ACTN2: variants seen among roughly 807,000 people sequenced by gnomAD.
The protein encoded by ACTN2 is actinin alpha 2, also known as alpha-actinin-2.
Under a neutral mutation model 113.8 loss-of-function variants are expected in ACTN2, and 39 were observed. That is an observed-to-expected ratio of 0.34 (90% confidence interval 0.27 to 0.45). The LOEUF is 0.45. ACTN2 is among the 20% of genes least tolerant of loss of function. The pLI, the probability that ACTN2 is intolerant of heterozygous loss-of-function variation, is 1.00. For synonymous variants in ACTN2, 429 were observed against 444.1 expected, an observed-to-expected ratio of 0.97 and a Z score of 0.43; for missense variants, 992 against 1,177.9, an observed-to-expected ratio of 0.84 and a Z score of 2.31.
chr1:236,738,365 G>A (rs555068701), intron 9 of ACTN2, among the ~76,000 whole-genome samples: 2 of 152,316 alleles, frequency 1.3e-5, no homozygotes, highest in East Asian at 1.9e-4. Flanking sequence ...AGGACATTTG[G>A]AATAAATGTT....
chr1:236,734,407 C>T (rs764582859), intron 7 of ACTN2: 42 of 1,489,912 alleles, frequency 2.8e-5, no homozygotes, highest in Non-Finnish European at 2.8e-5. Context: ...AACATCCACG[C>T]GGTTAACCTT....
intron 12 of ACTN2, among the ~76,000 whole-genome samples, chr1:236,746,165 C>CAAAAA (rs55953102): frequency 7.5e-5 from 6 of 80,406 alleles, no homozygotes; most frequent in Non-Finnish European, 9.9e-5. Flanking sequence ...GACTCCATCT[C>CAAAAA]AAAAAAAAAA....
chr1:236,761,565 C>G (rs1474026913), intron 20 of ACTN2, among the ~76,000 whole-genome samples: 1 of 152,086 alleles, frequency 6.6e-6, no homozygotes, highest in Non-Finnish European at 1.5e-5. Flanking sequence ...GTACCTTCTC[C>G]TAAGGATCAA....
At chr1:236,757,419 A>T in intron 17 of ACTN2, 67 bp from the exon 18 acceptor site, 1 of 1,600,834 alleles carries the variant, frequency 6.2e-7, no homozygotes, top group Non-Finnish European at 8.6e-7. Flanking sequence ...ACTGTTATGA[A>T]AGTAAAGAGG....
intron 12 of ACTN2, 51 bp downstream of exon 12, chr1:236,744,827 G>T (rs760200859): frequency 6.2e-7 from 1 of 1,612,798 alleles, no homozygotes; most frequent in Admixed American, 1.7e-5. Flanking sequence ...ATTCCACAGA[G>T]AGGGGAGAGA....
chr1:236,738,977 T>C (rs1286365949), intron 9 of ACTN2, among the ~76,000 whole-genome samples: 1 of 152,208 alleles, frequency 6.6e-6, no homozygotes, highest in Non-Finnish European at 1.5e-5. Flanking sequence ...TTGTTTTTTG[T>C]TTTTTTAATT....
intron 6 of ACTN2, among the ~76,000 whole-genome samples, chr1:236,729,279 G>A (rs4659707): frequency 0.48 from 72,935 of 151,024 alleles, 20,100 homozygotes; most frequent in Non-Finnish European, 0.63. Flanking sequence ...AACCGAGATG[G>A]CACCACTGCC....
At chr1:236,738,516 G>A (rs965759365) in intron 9 of ACTN2, among the ~76,000 whole-genome samples, 1 of 152,356 alleles carries the variant, frequency 6.6e-6, no homozygotes, top group Non-Finnish European at 1.5e-5. Context: ...GAAGGCCAGA[G>A]GATCCTTAGG....
chr1:236,693,436 G>A (rs550967644), intron 1 of ACTN2, among the ~76,000 whole-genome samples: 1 of 152,314 alleles, frequency 6.6e-6, no homozygotes, highest in South Asian at 2.1e-4. Context: ...AAGCACAGAG[G>A]AGGGGCATCT....
chr1:236,763,993 A>C lies in ACTN2; in HGVS notation c.*1374A>C, dbSNP rs1247541197. 2 of 152,190 alleles carry C rather than the reference A, an allele frequency of 1.3e-5. No homozygotes were observed. Among genetic ancestry groups the C allele is most frequent in the Non-Finnish European group, 2.9e-5 (2 of 68,038 alleles). 9.4% of individuals were successfully genotyped at this position (152,190 alleles called of 1,614,324 possible). On this transcript the variant is annotated 3_prime_UTR_variant, in exon 21 of 21. Transcript: ENST00000366578. ...GGAAATGGATTACAAACAAACAAAA[A>C]CAGTTGCAAACAGCAATTAAAGCAT...
Position 236,755,120 on chromosome 1 carries a change from C to G in ACTN2, c.2076C>G (p.Ile692Met). 2 of 1,614,158 alleles carry G rather than the reference C, an allele frequency of 1.2e-6. No homozygotes were observed. The highest frequency in any genetic ancestry group is 1.7e-6 in the Non-Finnish European group (2 of 1,180,024). ...EHNIINYKNNIDKLEGDHQLI... is the reference protein window; with the variant it reads ...EHNIINYKNNMDKLEGDHQLI... ...ACATCATCAACTATAAGAACAACAT[C>G]GACAAGCTGGAGGGAGACCATCAGC... Residue 692 changes from isoleucine (I) to methionine (M), a missense_variant, in exon 17 of 21, where the codon ATC becomes ATG. By Grantham distance (10) the Ile-to-Met change is conservative (BLOSUM62 1). Coordinates refer to ENST00000366578, the MANE Select transcript of ACTN2 (RefSeq NM_001103.4).
intron 20 of ACTN2, among the ~76,000 whole-genome samples, chr1:236,761,916 A>C (rs904575971): frequency 5.9e-5 from 9 of 152,168 alleles, no homozygotes; most frequent in Non-Finnish European, 1.0e-4. Context: ...AAAATGAATC[A>C]TTTACCCATG....
At chr1:236,709,255 T>TATATACACACACAC (rs796606511) in intron 1 of ACTN2, among the ~76,000 whole-genome samples, 1 of 68,908 alleles carries the variant, frequency 1.5e-5, no homozygotes, top group African/African-American at 5.3e-5. Flanking sequence ...TATATATATA[T>TATATACACACACAC]ACACACACAC....
intron 6 of ACTN2, among the ~76,000 whole-genome samples, chr1:236,729,182 G>A (rs765843726): frequency 5.9e-5 from 9 of 152,018 alleles, no homozygotes; most frequent in South Asian, 2.1e-4. Flanking sequence ...AAAATTAGCC[G>A]GGTGTGGTGG....
intron 17 of ACTN2, among the ~76,000 whole-genome samples, chr1:236,757,263 G>T (rs950573165): frequency 6.6e-6 from 1 of 152,124 alleles, no homozygotes; most frequent in South Asian, 2.1e-4. Flanking sequence ...ACTGCAGAGT[G>T]CCCGCTGCCA....
intron 12 of ACTN2, among the ~76,000 whole-genome samples, chr1:236,745,695 T>C (rs1045400126): frequency 6.6e-6 from 1 of 152,174 alleles, no homozygotes; most frequent in African/African-American, 2.4e-5. Context: ...CATGCCGTGT[T>C]TCTGAGCTTT....
rs1659786039 is a variant in ACTN2 at position 236,764,262 on chromosome 1, C to T, written c.*1643C>T. 1 of 152,148 alleles carries T rather than the reference C, an allele frequency of 6.6e-6. No individual in the cohort carries two copies. The highest frequency in any genetic ancestry group is 3.2e-3 in the Middle Eastern group (1 of 316). The allele number at this position is 152,148 out of a possible 1,614,324, so 9.4% of individuals were successfully genotyped here. A position where few individuals can be genotyped will look rare whatever the true frequency, so the allele number is the denominator to read the frequency against. On this transcript the variant is annotated 3_prime_UTR_variant, in exon 21 of 21. Transcript: ENST00000366578. ...TTGAATCCTTGAGTTTAATGCCAAACACTTTTGGGGTGGTTTAGATGAACT... is the reference window on the plus strand; with the variant it reads ...TTGAATCCTTGAGTTTAATGCCAAATACTTTTGGGGTGGTTTAGATGAACT...
chr1:236,748,398 T>G (rs1659299012), intron 13 of ACTN2, among the ~76,000 whole-genome samples: 1 of 152,100 alleles, frequency 6.6e-6, no homozygotes, highest in African/African-American at 2.4e-5. Context: ...GTGACATATC[T>G]GCTTAAAGAA....
At chr1:236,705,554 A>G (rs1304172263) in intron 1 of ACTN2, among the ~76,000 whole-genome samples, 2 of 152,152 alleles carry the variant, frequency 1.3e-5, no homozygotes, top group African/African-American at 4.8e-5. Flanking sequence ...ATTTATTTGA[A>G]TGTCTGTAGA....
Sources: allele counts gnomAD v4.1 joint callset (sites outside exome capture counted in the v4.1 genomes callset), GRCh38; gene constraint gnomAD v4.1.1; transcripts MANE v1.5; gene names NCBI Gene and HGNC (gene_info 2026-07-23, HGNC 2026-07-21).